CDKAL1: variants seen among roughly 807,000 people sequenced by gnomAD.
CDKAL1 encodes the protein CDKAL1 threonylcarbamoyladenosine tRNA methylthiotransferase.
Under a neutral mutation model 68.2 loss-of-function variants are expected in CDKAL1, and 32 were observed. That is an observed-to-expected ratio of 0.47 (90% CI 0.35 to 0.63). The LOEUF (loss-of-function observed/expected upper bound fraction) is 0.63, where lower values mean the gene tolerates loss of function less well. Ranked by LOEUF, CDKAL1 falls within the 30% of genes least tolerant of loss-of-function variation. The probability of loss-of-function intolerance (pLI) is 0.00; values close to 1 mark genes in which losing one functional copy is unlikely to be tolerated. For synonymous variants in CDKAL1, 234 were observed against 244.3 expected (o/e 0.96, Z 0.39); for missense variants, 606 against 696.7 (o/e 0.87, Z 1.47).
intron 15 of CDKAL1, among the ~76,000 whole-genome samples, chr6:21,223,540 A>G (rs954743275): frequency 5.3e-5 from 8 of 152,156 alleles, no homozygotes; most frequent in African/African-American, 1.9e-4. Flanking sequence ...ACTTATCAAT[A>G]TTTTGTATGA....
chr6:20,960,486 C>CT (rs1459503869), intron 10 of CDKAL1, among the ~76,000 whole-genome samples: 2 of 152,202 alleles, frequency 1.3e-5, no homozygotes, highest in African/African-American at 4.8e-5. Flanking sequence ...CAACAGGTCT[C>CT]TGTCTCTTTG....
chr6:21,106,537 C>G (rs1186329488), intron 12 of CDKAL1, among the ~76,000 whole-genome samples: 3 of 152,212 alleles, frequency 2.0e-5, no homozygotes, highest in Non-Finnish European at 2.9e-5. Context: ...GATTGTGCCA[C>G]TGTACTGCAG....
intron 11 of CDKAL1, among the ~76,000 whole-genome samples, chr6:21,013,641 A>C (rs1202097499): frequency 6.6e-6 from 1 of 152,220 alleles, no homozygotes; most frequent in Admixed American, 6.5e-5. Flanking sequence ...CTATAGACTA[A>C]GTTAACATTT....
intron 9 of CDKAL1, among the ~76,000 whole-genome samples, chr6:20,894,381 A>G (rs973464869): frequency 1.6e-5 from 2 of 127,264 alleles, no homozygotes; most frequent in African/African-American, 2.8e-5. Context: ...CTTAGCCTAC[A>G]CCCCACATAC....
chr6:20,608,878 T>G (rs1328060886), intron 4 of CDKAL1, among the ~76,000 whole-genome samples: 1 of 152,230 alleles, frequency 6.6e-6, no homozygotes, highest in African/African-American at 2.4e-5. Flanking sequence ...GTGTTTGTGG[T>G]TTGTGACTGC....
At chr6:20,666,337 A>G (rs1769542830) in intron 5 of CDKAL1, among the ~76,000 whole-genome samples, 1 of 151,318 alleles carries the variant, frequency 6.6e-6, no homozygotes, top group Non-Finnish European at 1.5e-5. Flanking sequence ...GTTTACTCTG[A>G]TACATTTCTG....
intron 13 of CDKAL1, among the ~76,000 whole-genome samples, chr6:21,159,974 A>G (rs970107215): frequency 1.3e-5 from 2 of 152,212 alleles, no homozygotes; most frequent in Non-Finnish European, 2.9e-5. Flanking sequence ...GATTATTTTC[A>G]TATCATGTAT....
intron 4 of CDKAL1, among the ~76,000 whole-genome samples, chr6:20,594,645 C>T (rs761201413): frequency 1.9e-4 from 29 of 152,108 alleles, no homozygotes; most frequent in Non-Finnish European, 3.1e-4. Flanking sequence ...TTTGCCAGTC[C>T]GTGTCTTTTA....
chr6:20,730,584 T>C (rs12197544), intron 5 of CDKAL1, among the ~76,000 whole-genome samples: 37,448 of 151,150 alleles, frequency 0.25, 5,363 homozygotes, highest in Non-Finnish European at 0.34. Flanking sequence ...GTGGCTCATG[T>C]CTGTAATCCC....
intron 2 of CDKAL1, among the ~76,000 whole-genome samples, chr6:20,545,282 A>G (rs921507154): frequency 2.6e-5 from 4 of 151,730 alleles, no homozygotes; most frequent in African/African-American, 9.7e-5. Context: ...CGGGGCAGGG[A>G]AAAATGTGCT....
At chr6:20,618,854 T>C (rs1767049592) in intron 4 of CDKAL1, among the ~76,000 whole-genome samples, 1 of 152,056 alleles carries the variant, frequency 6.6e-6, no homozygotes, top group African/African-American at 2.4e-5. Flanking sequence ...AATTTTTGTA[T>C]TTTTTGTGGA....
At chr6:20,838,041 T>C (rs1464582213) in intron 8 of CDKAL1, among the ~76,000 whole-genome samples, 2 of 151,588 alleles carry the variant, frequency 1.3e-5, no homozygotes, top group Non-Finnish European at 1.5e-5. Flanking sequence ...TATGTATACA[T>C]CTACTTTTAT....
intron 12 of CDKAL1, among the ~76,000 whole-genome samples, chr6:21,091,592 G>A (rs534381164): frequency 2.8e-4 from 42 of 152,262 alleles, no homozygotes; most frequent in African/African-American, 8.7e-4. Flanking sequence ...TCTTTGAGGG[G>A]AAAATGAAAA....
intron 9 of CDKAL1, among the ~76,000 whole-genome samples, chr6:20,901,987 GA>G (rs1212038657): frequency 6.6e-6 from 1 of 152,046 alleles, no homozygotes; most frequent in Non-Finnish European, 1.5e-5. Context: ...TGTTGGCCAG[GA>G]TGATCTCAAA....
intron 4 of CDKAL1, among the ~76,000 whole-genome samples, chr6:20,549,592 T>C: frequency 6.8e-6 from 1 of 147,990 alleles, no homozygotes; most frequent in Non-Finnish European, 1.5e-5. Context: ...ATTTATTTAT[T>C]TATTTATTTA....
chr6:21,158,351 T>A (rs886981898), intron 13 of CDKAL1, among the ~76,000 whole-genome samples: 7 of 152,220 alleles, frequency 4.6e-5, no homozygotes, highest in African/African-American at 1.7e-4. Flanking sequence ...CTGTTGTTTA[T>A]TACAGTCAAT....
chr6:20,903,206 C>A (rs1034308849), intron 9 of CDKAL1, among the ~76,000 whole-genome samples: 4 of 152,168 alleles, frequency 2.6e-5, no homozygotes, highest in Non-Finnish European at 2.9e-5. Context: ...CACACAAACG[C>A]AGACACACAC....
intron 9 of CDKAL1, among the ~76,000 whole-genome samples, chr6:20,869,817 A>G (rs933475363): frequency 1.6e-4 from 25 of 152,200 alleles, no homozygotes; most frequent in African/African-American, 5.5e-4. Context: ...ATATATTCAT[A>G]TAACACAAAT....
intron 4 of CDKAL1, among the ~76,000 whole-genome samples, chr6:20,632,168 C>G (rs1767701584): frequency 6.6e-6 from 1 of 152,126 alleles, no homozygotes; most frequent in South Asian, 2.1e-4. Flanking sequence ...ATAGCTTAGC[C>G]CATCCTCTCT....
Sources: gnomAD v4.1 joint callset for allele counts (sites outside exome capture counted in the v4.1 genomes callset) on GRCh38, gnomAD v4.1.1 for gene constraint, MANE v1.5 for transcripts, NCBI Gene and HGNC (gene_info 2026-07-23, HGNC 2026-07-21) for gene names.